Variants in HEPH observed in about 807,000 individuals in gnomAD.
HEPH encodes the protein hephaestin.
A neutral mutation model predicts 80.8 loss-of-function variants in HEPH; 69 were observed. The observed-to-expected ratio is 0.85, with a 90% CI of 0.70 to 1.04. HEPH has a LOEUF of 1.04. HEPH is among the 50% of genes least tolerant of loss of function. HEPH has a pLI of 0.00. For missense variants in HEPH, 1,115 were observed against 891.3 expected (o/e 1.25, Z -3.20); for synonymous variants, 431 against 322.8 (o/e 1.34, Z -3.60).
At chrX:66,186,908 CT>C (rs2087484058) in intron 4 of HEPH, among the ~76,000 whole-genome samples, 1 of 111,112 alleles carries the variant, frequency 9.0e-6, no homozygotes, top group Admixed American at 9.5e-5. Flanking sequence ...TTCGTAGGGG[CT>C]TTGTTCATTT....
intron 15 of HEPH, among the ~76,000 whole-genome samples, chrX:66,209,152 G>A (rs1384265066): frequency 8.9e-6 from 1 of 111,780 alleles, no homozygotes; most frequent in Non-Finnish European, 1.9e-5. Flanking sequence ...GGTAAAACTG[G>A]TAACTATAAT....
intron 16 of HEPH, 117 bp downstream of exon 16, chrX:66,255,258 A>T (rs545999855): frequency 7.1e-6 from 3 of 421,713 alleles, no homozygotes. Context: ...TTTGGGGAAC[A>T]TTCTTCAAAA....
intron 15 of HEPH, among the ~76,000 whole-genome samples, chrX:66,231,888 C>A (rs1194054272): frequency 9.1e-6 from 1 of 109,609 alleles, no homozygotes; most frequent in Non-Finnish European, 1.9e-5. Context: ...AGTTTTTTCC[C>A]ATTCAGTATG....
At chrX:66,176,187 C>T (rs1474539614) in intron 4 of HEPH, among the ~76,000 whole-genome samples, 2 of 111,577 alleles carry the variant, frequency 1.8e-5, no homozygotes, top group Non-Finnish European at 3.8e-5. Context: ...GGAGTATGTC[C>T]CTTGTATACC....
chrX:66,215,362 A>G (rs1429256525), intron 15 of HEPH, among the ~76,000 whole-genome samples: 1 of 110,859 alleles, frequency 9.0e-6, no homozygotes, highest in Admixed American at 9.7e-5. Flanking sequence ...TTATTCTTCT[A>G]TCTCTTATTC....
chrX:66,254,764 AGAT>A (rs1199694404), intron 15 of HEPH, among the ~76,000 whole-genome samples: 7 of 100,710 alleles, frequency 7.0e-5, no homozygotes, highest in Non-Finnish European at 1.4e-4. Flanking sequence ...GCAAAGAAAA[AGAT>A]GATATTAAAA....
chrX:66,162,687 C>T (rs1000298853), upstream of HEPH: 27 of 1,142,593 alleles, frequency 2.4e-5, no homozygotes, highest in African/African-American at 1.3e-4. Context: ...CATGGGGCAG[C>T]GCCTAAGTGT....
At chrX:66,224,086 CTT>C (rs528968841) in intron 15 of HEPH, among the ~76,000 whole-genome samples, 3,416 of 96,981 alleles carry the variant, frequency 0.035, 143 homozygotes, top group African/African-American at 0.12. Context: ...CTTTCCCCCG[CTT>C]TTTTTTTTTT....
chrX:66,243,234 AACCAAAT>A (rs982035245), intron 15 of HEPH, among the ~76,000 whole-genome samples: 30 of 111,884 alleles, frequency 2.7e-4, no homozygotes, highest in African/African-American at 8.8e-4. Context: ...AGAAACAGAA[AACCAAAT>A]ACTGCATGTT....
intron 15 of HEPH, among the ~76,000 whole-genome samples, chrX:66,232,416 G>A (rs2090187201): frequency 9.0e-6 from 1 of 111,580 alleles, no homozygotes; most frequent in Admixed American, 9.6e-5. Flanking sequence ...TCTCTTAATA[G>A]AGAATAAAAA....
chrX:66,236,375 G>T (rs1435654421), intron 15 of HEPH, among the ~76,000 whole-genome samples: 1 of 111,834 alleles, frequency 8.9e-6, no homozygotes, highest in Non-Finnish European at 1.9e-5. Context: ...TGATAATCAT[G>T]TGGTTTTTGT....
intron 15 of HEPH, among the ~76,000 whole-genome samples, chrX:66,222,313 T>A (rs1383093862): frequency 8.9e-6 from 1 of 112,332 alleles, no homozygotes; most frequent in Non-Finnish European, 1.9e-5. Context: ...GGCTGTAGAA[T>A]CCTGGAAAAG....
intron 15 of HEPH, among the ~76,000 whole-genome samples, chrX:66,219,216 T>C (rs1166660662): frequency 8.9e-6 from 1 of 112,308 alleles, no homozygotes; most frequent in Non-Finnish European, 1.9e-5. Flanking sequence ...TTTCTATTAC[T>C]ATTATAACTC....
In HEPH at chrX:66,207,186, T is replaced by C. The variant is rs2088832510; in HGVS notation, c.2292-9T>C. ...CCAGGTGCTGATAGTACTCTTTGGA[T>C]TCCTCTAGTTATGGTTACATTTTCC... On this transcript the variant is annotated splice_polypyrimidine_tract_variant and intron_variant, in intron 13 of 20. Transcript: ENST00000343002. 8.3e-7 allele frequency: 1 copy of C among 1,199,989 alleles called. No homozygotes were observed. The highest frequency in any genetic ancestry group is 1.8e-5 in the African/African-American group (1 of 55,839).
intron 15 of HEPH, among the ~76,000 whole-genome samples, chrX:66,248,749 G>A (rs887309611): frequency 8.9e-6 from 1 of 112,083 alleles, no homozygotes; most frequent in Non-Finnish European, 1.9e-5. Flanking sequence ...GATGAAAAAG[G>A]CATTACATTT....
At chrX:66,164,914 A>C (rs1445753392) in intron 1 of HEPH, among the ~76,000 whole-genome samples, 1 of 112,079 alleles carries the variant, frequency 8.9e-6, no homozygotes, top group Non-Finnish European at 1.9e-5. Flanking sequence ...TAAACATCTG[A>C]ATTTGAGTAG....
At chrX:66,217,386 C>T in intron 15 of HEPH, among the ~76,000 whole-genome samples, 1 of 111,642 alleles carries the variant, frequency 9.0e-6, no homozygotes, top group Non-Finnish European at 1.9e-5. Context: ...CATCAGCCTC[C>T]TCAAACTAAA....
intron 12 of HEPH, among the ~76,000 whole-genome samples, chrX:66,202,136 G>C (rs750795744): frequency 2.7e-5 from 3 of 111,901 alleles, no homozygotes; most frequent in Non-Finnish European, 3.8e-5. Context: ...CATGAATTGA[G>C]TCTTGGATAA....
In HEPH at chrX:66,260,338, G is replaced by C. The variant is rs924473055; in HGVS notation, c.3199+76G>C. The C allele has an allele frequency of 3.5e-6, 3 of 861,738 alleles. No individual in the cohort carries two copies. In the African/African-American group the frequency reaches 6.0e-5, roughly 17 times the overall value. 71.0% of individuals were successfully genotyped at this position (861,738 alleles called of 1,213,427 possible). A position where few individuals can be genotyped will look rare whatever the true frequency, so the allele number is the denominator to read the frequency against. On this transcript the variant is annotated intron_variant, in intron 19 of 20. Coordinates refer to ENST00000343002, the MANE Select transcript of HEPH (RefSeq NM_001367233.3). Reference sequence around the variant, plus strand: ...TATAGGAAGCAGGTAATACCAAAAAGCCTCTTGATTGTCTCCTTCTGATCC... The same window carrying C: ...TATAGGAAGCAGGTAATACCAAAAACCCTCTTGATTGTCTCCTTCTGATCC...
Sources: allele counts gnomAD v4.1 joint callset (sites outside exome capture counted in the v4.1 genomes callset), GRCh38; gene constraint gnomAD v4.1.1; transcripts MANE v1.5; gene names NCBI Gene and HGNC (gene_info 2026-07-23, HGNC 2026-07-21).